CACNG5: variants seen among roughly 807,000 people sequenced by gnomAD.
CACNG5 encodes calcium voltage-gated channel auxiliary subunit gamma 5.
Under a neutral mutation model 24.8 loss-of-function variants are expected in CACNG5, and 18 were observed. The observed-to-expected ratio is 0.73, with a 90% CI of 0.50 to 1.08. CACNG5 has a LOEUF of 1.08. CACNG5 is among the 50% of genes least tolerant of loss of function. The probability of loss-of-function intolerance (pLI) is 0.00; values close to 1 mark genes in which losing one functional copy is unlikely to be tolerated. For synonymous variants in CACNG5, 157 were observed against 149.1 expected, an observed-to-expected ratio of 1.05 and a Z score of -0.39; for missense variants, 349 against 367.9, an observed-to-expected ratio of 0.95 and a Z score of 0.42.
At position 66,878,210 on chromosome 17, in the gene CACNG5, C is replaced by T. The variant is rs151094705; in HGVS notation, c.196+682C>T. 9.5e-3 allele frequency among the ~76,000 whole-genome samples: 1,450 copies of T among 152,362 alleles called. 9 individuals are homozygous for T. The highest frequency in any genetic ancestry group is 0.015 in the Non-Finnish European group (1,039 of 68,032). On this transcript the variant is annotated intron_variant, in intron 2 of 5. Transcript: ENST00000533854. ...TTATCCCTTTATCATGACCCAAGAC[C>T]AGCCTGCACAAGAAAAGCATTTCCA...
intron 1 of CACNG5, among the ~76,000 whole-genome samples, chr17:66,862,529 T>C (rs1273763762): frequency 1.3e-5 from 2 of 152,150 alleles, no homozygotes; most frequent in Non-Finnish European, 2.9e-5. Flanking sequence ...GCTTATGTAG[T>C]ATATATGATT....
intron 1 of CACNG5, among the ~76,000 whole-genome samples, chr17:66,873,243 GA>G (rs1428614929): frequency 6.6e-6 from 1 of 152,172 alleles, no homozygotes; most frequent in African/African-American, 2.4e-5. Context: ...AAATAAATAG[GA>G]TTACATAATA....
At chr17:66,871,954 G>A (rs1977013906) in intron 1 of CACNG5, among the ~76,000 whole-genome samples, 1 of 152,314 alleles carries the variant, frequency 6.6e-6, no homozygotes, top group South Asian at 2.1e-4. Flanking sequence ...GCCATCTCCA[G>A]CCCAGGAGTT....
chr17:66,843,271 T>TGAACCTAAA (rs1385506389), intron 1 of CACNG5, among the ~76,000 whole-genome samples: 1 of 152,160 alleles, frequency 6.6e-6, no homozygotes, highest in Non-Finnish European at 1.5e-5. Context: ...TGTGCCACTC[T>TGAACCTAAA]GAAGTCCAGC....
chr17:66,877,775 A>G (rs944706861), intron 2 of CACNG5, among the ~76,000 whole-genome samples: 15 of 152,290 alleles, frequency 9.8e-5, no homozygotes, highest in African/African-American at 3.4e-4. Context: ...AGATGAATGT[A>G]ACTATGCCTT....
At chr17:66,854,149 G>T (rs959169145) in intron 1 of CACNG5, among the ~76,000 whole-genome samples, 1 of 152,178 alleles carries the variant, frequency 6.6e-6, no homozygotes, top group African/African-American at 2.4e-5. Flanking sequence ...AAGTGAAAAG[G>T]CCGGGTGCGG....
intron 1 of CACNG5, among the ~76,000 whole-genome samples, chr17:66,845,412 A>G (rs1247796863): frequency 6.6e-6 from 1 of 152,062 alleles, no homozygotes; most frequent in Non-Finnish European, 1.5e-5. Context: ...ATACCTATGT[A>G]ACAAACCTGC....
intron 1 of CACNG5, among the ~76,000 whole-genome samples, chr17:66,841,227 A>T (rs549046345): frequency 6.6e-6 from 1 of 152,178 alleles, no homozygotes; most frequent in Non-Finnish European, 1.5e-5. Flanking sequence ...CTTCCAGGTC[A>T]CAGGTAGGTG....
At position 66,859,473 on chromosome 17, in the gene CACNG5, G is replaced by T. The variant is rs1278561563; in HGVS notation, c.-103-17757G>T. ...GGCAGGAAAACGATGCTGGGAGGAG[G>T]TATTTATAGAAGCGCATCACAGTGC... On this transcript the variant is annotated intron_variant, in intron 1 of 5. Coordinates refer to ENST00000533854, the MANE Select transcript of CACNG5 (RefSeq NM_145811.3). Among the ~76,000 whole-genome samples, 2 of 152,156 alleles carry T rather than the reference G, an allele frequency of 1.3e-5. 1 individual carries two copies. The highest frequency in any genetic ancestry group is 3.9e-4 in the East Asian group (2 of 5,192).
At position 66,850,605 on chromosome 17, in the gene CACNG5, C is replaced by T. The variant is rs11079668; in HGVS notation, c.-104+15355C>T. On this transcript the variant is annotated intron_variant, in intron 1 of 5. Coordinates refer to ENST00000533854, the MANE Select transcript of CACNG5 (RefSeq NM_145811.3). ...ATATACATACACAAATACATACACA[C>T]ACACACACACACACACAATGCAGTT... Among the ~76,000 whole-genome samples the T allele has an allele frequency of 2.9e-3, 446 of 152,002 alleles. 6 individuals carry two copies. Among genetic ancestry groups the T allele is most frequent in the Non-Finnish European group, 1.3e-3 (87 of 67,994 alleles).
chr17:66,836,496 T>C (rs970943071), intron 1 of CACNG5, among the ~76,000 whole-genome samples: 10 of 152,230 alleles, frequency 6.6e-5, no homozygotes, highest in African/African-American at 2.4e-4. Flanking sequence ...GGCATCTCAG[T>C]GGCAGGTTGG....
intron 1 of CACNG5, among the ~76,000 whole-genome samples, chr17:66,872,226 A>T (rs1309576464): frequency 5.3e-5 from 8 of 152,334 alleles, no homozygotes; most frequent in Non-Finnish European, 1.5e-5. Context: ...GTTGCATTCA[A>T]CTTCATTAAT....
At chr17:66,844,864 G>A (rs1363446641) in intron 1 of CACNG5, among the ~76,000 whole-genome samples, 2 of 152,168 alleles carry the variant, frequency 1.3e-5, no homozygotes, top group Admixed American at 1.3e-4. Flanking sequence ...GGAGCCCCAT[G>A]TTCTTTCTGA....
At chr17:66,852,909 TTCTTTCTCTCTTCTCTTTCTCTCTTG>T (rs1287362757) in intron 1 of CACNG5, among the ~76,000 whole-genome samples, 2 of 145,994 alleles carry the variant, frequency 1.4e-5, no homozygotes, top group Non-Finnish European at 3.0e-5. Context: ...CTTCTCTCTC[TTCTTTCTCTCTTCTCTTTCTCTCTTG>T]TCTTTCTCTC....
intron 1 of CACNG5, among the ~76,000 whole-genome samples, chr17:66,870,465 G>T (rs1382823248): frequency 6.6e-6 from 1 of 152,214 alleles, no homozygotes; most frequent in Non-Finnish European, 1.5e-5. Context: ...CTGGTGGATA[G>T]AGGCTAAGGA....
At chr17:66,866,819 A>G (rs967219078) in intron 1 of CACNG5, among the ~76,000 whole-genome samples, 1 of 152,234 alleles carries the variant, frequency 6.6e-6, no homozygotes, top group Admixed American at 6.5e-5. Context: ...TTAAGGTTGC[A>G]TAGTATTCCA....
chr17:66,878,893 C>A, intron 2 of CACNG5, 79 bp from the exon 3 acceptor site: 1 of 1,211,928 alleles, frequency 8.3e-7, no homozygotes, highest in Non-Finnish European at 1.2e-6. Context: ...TAAAAACACA[C>A]TTGGAAATAC....
chr17:66,846,793 G>A (rs1303060896), intron 1 of CACNG5, among the ~76,000 whole-genome samples: 1 of 152,182 alleles, frequency 6.6e-6, no homozygotes, highest in African/African-American at 2.4e-5. Context: ...TAGGAGTGGG[G>A]TTACTGGATC....
chr17:66,890,650 C>G lies in CACNG5; in HGVS notation c.*5410C>G, dbSNP rs12945197. Among the ~76,000 whole-genome samples the G allele has an allele frequency of 6.6e-6, 1 of 152,324 alleles. No homozygotes were observed. Among genetic ancestry groups the G allele is most frequent in the South Asian group, 2.1e-4 (1 of 4,826 alleles). The stretch of plus-strand genomic sequence containing the variant: ...CCTTGAAGGTTTGCATGCGTGGGCT[C>G]TCTGTCCTGCTGGTTCAGAGGCCTG... On this transcript the variant is annotated 3_prime_UTR_variant, in exon 6 of 6. Coordinates refer to ENST00000533854, the MANE Select transcript of CACNG5 (RefSeq NM_145811.3).
Sources: allele counts gnomAD v4.1 joint callset (sites outside exome capture counted in the v4.1 genomes callset), GRCh38; gene constraint gnomAD v4.1.1; transcripts MANE v1.5; gene names NCBI Gene and HGNC (gene_info 2026-07-23, HGNC 2026-07-21).